Variants in KIAA0513 observed in about 807,000 individuals in gnomAD.
KIAA0513 encodes KIAA0513.
Under a neutral mutation model 56.5 loss-of-function variants are expected in KIAA0513, and 39 were observed. The observed-to-expected ratio is 0.69, with a 90% CI of 0.53 to 0.90. KIAA0513 has a LOEUF of 0.90. KIAA0513 is among the 40% of genes least tolerant of loss of function. The pLI is 0.00. For missense variants in KIAA0513, 591 were observed against 535.2 expected, an observed-to-expected ratio of 1.10 and a Z score of -1.03; for synonymous variants, 268 against 215.6, an observed-to-expected ratio of 1.24 and a Z score of -2.13.
At chr16:85,042,849 G>GAGGC (rs544026712) in intron 1 of KIAA0513, among the ~76,000 whole-genome samples, 285 of 152,342 alleles carry the variant, frequency 1.9e-3, no homozygotes, top group African/African-American at 6.4e-3. Context: ...GTGGCACTCA[G>GAGGC]AGGCAGGCAG....
At chr16:85,085,004 T>C (rs2144102122) in intron 10 of KIAA0513, among the ~76,000 whole-genome samples, 1 of 152,292 alleles carries the variant, frequency 6.6e-6, no homozygotes, top group African/African-American at 2.4e-5. Flanking sequence ...GCCTCCTCAT[T>C]TGGCTCAGGA....
At chr16:85,065,151 A>G (rs2073460225) in intron 1 of KIAA0513, among the ~76,000 whole-genome samples, 1 of 152,186 alleles carries the variant, frequency 6.6e-6, no homozygotes, top group Non-Finnish European at 1.5e-5. Context: ...TTTCATTTTT[A>G]ATGCCGGGCA....
chr16:85,061,085 G>A (rs758908180), intron 1 of KIAA0513, among the ~76,000 whole-genome samples: 7 of 151,608 alleles, frequency 4.6e-5, no homozygotes, highest in African/African-American at 1.5e-4. Context: ...CCCGGGAGGC[G>A]GAGGTAGTAG....
intron 1 of KIAA0513, among the ~76,000 whole-genome samples, chr16:85,064,280 A>C (rs774424790): frequency 6.6e-6 from 1 of 152,156 alleles, no homozygotes; most frequent in Non-Finnish European, 1.5e-5. Flanking sequence ...TGTTGGGATT[A>C]CGGGAGTGAG....
chr16:85,049,132 C>T (rs1366804029), intron 1 of KIAA0513, among the ~76,000 whole-genome samples: 1 of 152,256 alleles, frequency 6.6e-6, no homozygotes, highest in Non-Finnish European at 1.5e-5. Context: ...CAAGCAGCTC[C>T]AGATTGCAGA....
intron 2 of KIAA0513, among the ~76,000 whole-genome samples, chr16:85,068,208 G>A (rs2073517921): frequency 6.6e-6 from 1 of 151,690 alleles, no homozygotes; most frequent in African/African-American, 2.4e-5. Context: ...CCAGGCTGGA[G>A]TGCAGTGGTG....
At position 85,079,012 on chromosome 16, in the gene KIAA0513, G is replaced by A. The variant is rs375448048; in HGVS notation, c.902+9G>A. 62 of 1,614,004 alleles carry A rather than the reference G, an allele frequency of 3.8e-5. 1 individual carries two copies. The highest frequency in any genetic ancestry group is 8.0e-5 in the African/African-American group (6 of 74,894). ...AAGCAACAGCCCATCTGGTAAGGCC[G>A]AGCCCGCGGCTTCCCGTCACCCTCT... is the stretch of plus-strand genomic sequence containing the variant. On this transcript the variant is annotated intron_variant, in intron 8 of 12. Transcript: ENST00000683363.
At chr16:85,042,284 C>T (rs1273909999) in intron 1 of KIAA0513, among the ~76,000 whole-genome samples, 1 of 152,186 alleles carries the variant, frequency 6.6e-6, no homozygotes, top group Non-Finnish European at 1.5e-5. Context: ...TATCAAATTG[C>T]TAATCACGTG....
chr16:85,038,498 G>GGA (rs1231494213), intron 1 of KIAA0513, among the ~76,000 whole-genome samples: 6 of 152,046 alleles, frequency 3.9e-5, no homozygotes, highest in Non-Finnish European at 7.4e-5. Flanking sequence ...CTTGAGGTCA[G>GGA]GAGTTCCAGA....
In KIAA0513 at chr16:85,092,189, C is replaced by T. The variant is rs1341839101; in HGVS notation, c.*3864C>T. On this transcript the variant is annotated 3_prime_UTR_variant, in exon 13 of 13. Transcript: ENST00000683363. ...AACTCCTGACCTCAGGTGATCCCCC[C>T]CACCTCAGCCTCCCAAAGTGCTGGG... 1 of 152,184 alleles carries T rather than the reference C, an allele frequency of 6.6e-6. No homozygotes were observed. The allele number at this position is 152,184 out of a possible 1,614,324, so 9.4% of individuals were successfully genotyped here.
At chr16:85,069,850 T>G (rs2073545997) in intron 2 of KIAA0513, among the ~76,000 whole-genome samples, 2 of 152,016 alleles carry the variant, frequency 1.3e-5, no homozygotes, top group Admixed American at 1.3e-4. Flanking sequence ...TAAGGGTAAG[T>G]TTTCCAGTTT....
intron 1 of KIAA0513, among the ~76,000 whole-genome samples, chr16:85,060,380 C>T (rs2073386827): frequency 6.6e-6 from 1 of 152,150 alleles, no homozygotes; most frequent in East Asian, 1.9e-4. Flanking sequence ...GAGGAGGGAA[C>T]TTCAGGCCTC....
In KIAA0513 at chr16:85,088,432, C is replaced by G; in HGVS notation, c.*107C>G. 1 of 885,400 alleles carries G rather than the reference C, an allele frequency of 1.1e-6. No homozygotes were observed. Among genetic ancestry groups the G allele is most frequent in the Non-Finnish European group, 1.8e-6 (1 of 546,196 alleles). The allele number at this position is 885,400 out of a possible 1,614,324, so 54.8% of individuals were successfully genotyped here. A position where few individuals can be genotyped will look rare whatever the true frequency, so the allele number is the denominator to read the frequency against. On this transcript the variant is annotated 3_prime_UTR_variant, in exon 13 of 13. Coordinates refer to ENST00000683363, the MANE Select transcript of KIAA0513 (RefSeq NM_001388359.1). ...ATGACCTGCATGAAGCCAGCAGCAC[C>G]CAGAGCCACTCCTGCTGCCCTAGAA...
Position 85,049,069 on chromosome 16 carries a change from C to T in KIAA0513, c.-172-17831C>T, listed in dbSNP as rs538860646. ...AGTGCTTCTGTGAGGTTGCTTTGCA[C>T]GGTGGCCATGTCCCCTCTGTCTTAG... On this transcript the variant is annotated intron_variant, in intron 1 of 12. Transcript: ENST00000683363. Among the ~76,000 whole-genome samples the T allele has an allele frequency of 9.2e-5, 14 of 152,358 alleles. No individual in the cohort carries two copies. In the South Asian group the frequency reaches 1.4e-3, roughly 16 times the overall value.
chr16:85,060,675 T>A (rs554577784), intron 1 of KIAA0513, among the ~76,000 whole-genome samples: 1 of 151,820 alleles, frequency 6.6e-6, no homozygotes, highest in African/African-American at 2.4e-5. Context: ...CTCACCTTTA[T>A]AAATAATAAT....
Position 85,067,387 on chromosome 16 carries a change from A to G in KIAA0513, c.316A>G (p.Ile106Val). ...RDFMRGYVEK[I>V]FSGGEDLDQE... ...CTTCATGCGTGGCTACGTGGAGAAGATCTTCTCTGGAGGGTAAGGGGCCTG... is the reference window on the plus strand; with the variant it reads ...CTTCATGCGTGGCTACGTGGAGAAGGTCTTCTCTGGAGGGTAAGGGGCCTG... The change falls in exon 2 of 13, where the codon ATC (isoleucine) becomes GTC (valine). Residue 106 changes from isoleucine to valine, a missense_variant. By Grantham distance (29) the Ile-to-Val change is conservative. Transcript: ENST00000683363. 1 of 1,601,750 alleles carries G rather than the reference A, an allele frequency of 6.2e-7. No individual in the cohort carries two copies. The highest frequency in any genetic ancestry group is 8.5e-7 in the Non-Finnish European group (1 of 1,179,208).
chr16:85,082,062 C>T (rs1193456707), intron 9 of KIAA0513, among the ~76,000 whole-genome samples: 1 of 152,236 alleles, frequency 6.6e-6, no homozygotes, highest in Non-Finnish European at 1.5e-5. Context: ...ATTAATAAAG[C>T]ACATCCCTCC....
intron 1 of KIAA0513, among the ~76,000 whole-genome samples, chr16:85,028,167 C>A (rs1272349722): frequency 6.6e-6 from 1 of 152,180 alleles, no homozygotes; most frequent in Non-Finnish European, 1.5e-5. Context: ...CAACCCGGGC[C>A]GCTGCCTGGA....
Position 85,087,080 on chromosome 16 carries a change from C to T in KIAA0513, c.1100C>T (p.Thr367Met), listed in dbSNP as rs200733061. The T allele has an allele frequency of 1.7e-5, 28 of 1,614,132 alleles. No homozygotes were observed. In the Admixed American group the frequency reaches 2.7e-4, roughly 15 times the overall value. The change falls in exon 12 of 13, where the codon ACG becomes ATG. Residue 367 changes from threonine to methionine, a missense_variant. Coordinates refer to ENST00000683363, the MANE Select transcript of KIAA0513 (RefSeq NM_001388359.1). ...NITFGQLGTF[T>M]HNMLAFGLNK... ...TGGGGTTTCTCCTGCAGCACATTCACGCACAACATGCTGGCCTTTGGACTG... is the reference window on the plus strand; with the variant it reads ...TGGGGTTTCTCCTGCAGCACATTCATGCACAACATGCTGGCCTTTGGACTG...
Sources: gnomAD v4.1 joint callset for allele counts (sites outside exome capture counted in the v4.1 genomes callset) on GRCh38, gnomAD v4.1.1 for gene constraint, MANE v1.5 for transcripts, NCBI Gene and HGNC (gene_info 2026-07-23, HGNC 2026-07-21) for gene names.